CNTN4: variants seen among roughly 807,000 people sequenced by gnomAD.
CNTN4 encodes contactin 4, also known as contactin-4.
A neutral mutation model predicts 122.5 loss-of-function variants in CNTN4; 77 were observed. That is an observed-to-expected ratio of 0.63 (90% CI 0.52 to 0.76). The LOEUF is 0.76. CNTN4 is among the 30% of genes least tolerant of loss of function. The pLI is 0.00. For synonymous variants in CNTN4, 512 were observed against 447.0 expected (o/e 1.15, Z -1.83); for missense variants, 1,256 against 1,259.1 (o/e 1.00, Z 0.04).
intron 10 of CNTN4, among the ~76,000 whole-genome samples, chr3:2,897,615 C>T (rs2094129560): frequency 6.6e-6 from 1 of 152,228 alleles, no homozygotes; most frequent in Non-Finnish European, 1.5e-5. Context: ...CAAGCCTAAA[C>T]ATGAAGTTTA....
intron 3 of CNTN4, among the ~76,000 whole-genome samples, chr3:2,454,902 G>C (rs1213101396): frequency 6.6e-6 from 1 of 152,148 alleles, no homozygotes; most frequent in Non-Finnish European, 1.5e-5. Context: ...AATGTAAGTA[G>C]TGGGTGAGTA....
At chr3:2,388,155 A>C (rs2150848994) in intron 3 of CNTN4, among the ~76,000 whole-genome samples, 1 of 152,338 alleles carries the variant, frequency 6.6e-6, no homozygotes, top group South Asian at 2.1e-4. Flanking sequence ...CAAGTGGGGA[A>C]GTTTCATGCT....
At chr3:2,570,216 C>T (rs2079360979) in intron 3 of CNTN4, among the ~76,000 whole-genome samples, 1 of 152,016 alleles carries the variant, frequency 6.6e-6, no homozygotes, top group South Asian at 2.1e-4. Flanking sequence ...CTCTGTTGCC[C>T]AGGCTGGAAT....
chr3:2,381,961 A>T (rs777826974), intron 3 of CNTN4, among the ~76,000 whole-genome samples: 1 of 152,132 alleles, frequency 6.6e-6, no homozygotes, highest in Non-Finnish European at 1.5e-5. Context: ...AAGAAAATGT[A>T]TTGTTCTTCC....
Position 2,461,632 on chromosome 3 carries a change from A to G in CNTN4, c.-88-109784A>G, listed in dbSNP as rs1165418931. Among the ~76,000 whole-genome samples the G allele has an allele frequency of 2.6e-5, 4 of 152,360 alleles. No individual in the cohort carries two copies. In the South Asian group the frequency reaches 6.2e-4, roughly 24 times the overall value. Reference sequence around the variant, plus strand: ...TTTATCAATGAGTAAACTGAAGCCCAGGCTCTTAAGTGACTTGTCAAGTTA... The same window carrying G: ...TTTATCAATGAGTAAACTGAAGCCCGGGCTCTTAAGTGACTTGTCAAGTTA... On this transcript the variant is annotated intron_variant, in intron 3 of 24. Transcript: ENST00000418658.
At chr3:2,571,314 C>G in intron 3 of CNTN4, 102 bp from the exon 4 acceptor site, 2 of 626,322 alleles carry the variant, frequency 3.2e-6, no homozygotes, top group South Asian at 3.9e-5. Context: ...ATGGTACTTT[C>G]CCACAAGTGA....
chr3:2,557,369 A>G (rs2078761834), intron 3 of CNTN4, among the ~76,000 whole-genome samples: 1 of 152,206 alleles, frequency 6.6e-6, no homozygotes, highest in South Asian at 2.1e-4. Context: ...TTTAGGGGAA[A>G]CCTGCATGCT....
intron 6 of CNTN4, among the ~76,000 whole-genome samples, chr3:2,798,376 T>C (rs146589323): frequency 5.1e-4 from 51 of 99,336 alleles, no homozygotes; most frequent in South Asian, 5.0e-3. Context: ...AATCTATCTA[T>C]CTATCTATCT....
At chr3:2,166,530 T>TA (rs1204137478) in intron 2 of CNTN4, among the ~76,000 whole-genome samples, 3 of 151,068 alleles carry the variant, frequency 2.0e-5, no homozygotes, top group African/African-American at 7.3e-5. Flanking sequence ...TAAAATATAT[T>TA]ACAATTAAAT....
intron 4 of CNTN4, among the ~76,000 whole-genome samples, chr3:2,631,629 G>GT (rs35221791): frequency 0.14 from 20,652 of 147,146 alleles, 1,494 homozygotes; most frequent in South Asian, 0.25. Flanking sequence ...TAATTTTAAA[G>GT]TTTTTTTTTT....
intron 8 of CNTN4, among the ~76,000 whole-genome samples, chr3:2,868,529 A>G (rs1363887938): frequency 6.6e-6 from 1 of 152,172 alleles, no homozygotes; most frequent in African/African-American, 2.4e-5. Context: ...CTGAACCTGA[A>G]CCTTCCAGAA....
At chr3:2,234,835 T>C (rs2039622064) in intron 2 of CNTN4, among the ~76,000 whole-genome samples, 1 of 152,186 alleles carries the variant, frequency 6.6e-6, no homozygotes, top group Admixed American at 6.5e-5. Flanking sequence ...CAGAGGAACA[T>C]GTGATTGTAT....
At chr3:2,121,368 C>G (rs750233305) in intron 2 of CNTN4, among the ~76,000 whole-genome samples, 1 of 151,860 alleles carries the variant, frequency 6.6e-6, no homozygotes, top group South Asian at 2.1e-4. Context: ...TGTGGTGGCA[C>G]GTGCCTGTAA....
intron 12 of CNTN4, among the ~76,000 whole-genome samples, chr3:2,905,227 G>A (rs559032591): frequency 4.6e-4 from 70 of 152,238 alleles, no homozygotes; most frequent in Middle Eastern, 3.4e-3. Flanking sequence ...TAAGTTTCCC[G>A]ACGCCAGCAA....
At chr3:2,149,557 A>G (rs1469044294) in intron 2 of CNTN4, among the ~76,000 whole-genome samples, 1 of 152,172 alleles carries the variant, frequency 6.6e-6, no homozygotes, top group Admixed American at 6.6e-5. Context: ...GCCACAGGAA[A>G]TATTGCTTGA....
At chr3:2,190,144 C>T (rs545947076) in intron 2 of CNTN4, among the ~76,000 whole-genome samples, 1 of 152,314 alleles carries the variant, frequency 6.6e-6, no homozygotes, top group South Asian at 2.1e-4. Flanking sequence ...TTCTGCCCAA[C>T]TCTAACCTTT....
chr3:2,612,855 C>T (rs1303165127), intron 4 of CNTN4, among the ~76,000 whole-genome samples: 1 of 152,114 alleles, frequency 6.6e-6, no homozygotes, highest in Non-Finnish European at 1.5e-5. Context: ...ACTTAAATGG[C>T]ATCAGCAATT....
At chr3:2,904,738 A>T (rs2094210910) in intron 12 of CNTN4, among the ~76,000 whole-genome samples, 1 of 152,222 alleles carries the variant, frequency 6.6e-6, no homozygotes, top group Admixed American at 6.5e-5. Flanking sequence ...TTAGGAGTTT[A>T]TTCCAAAACA....
At chr3:2,662,112 A>C (rs982111171) in intron 4 of CNTN4, among the ~76,000 whole-genome samples, 1 of 152,232 alleles carries the variant, frequency 6.6e-6, no homozygotes, top group East Asian at 1.9e-4. Context: ...CATAGAGCTC[A>C]CAAGCTACAG....
Sources: gnomAD v4.1 joint callset for allele counts (sites outside exome capture counted in the v4.1 genomes callset) on GRCh38, gnomAD v4.1.1 for gene constraint, MANE v1.5 for transcripts, NCBI Gene and HGNC (gene_info 2026-07-23, HGNC 2026-07-21) for gene names.